Variants in NES observed in about 807,000 individuals in gnomAD.
NES encodes the protein nestin.
Under a neutral mutation model 35.6 loss-of-function variants are expected in NES, and 27 were observed. That is an observed-to-expected ratio of 0.76 (90% confidence interval 0.56 to 1.04). The LOEUF (loss-of-function observed/expected upper bound fraction) is 1.04, where lower values mean the gene tolerates loss of function less well. NES is among the 50% of genes least tolerant of loss of function. The probability of loss-of-function intolerance (pLI) is 0.00; values close to 1 mark genes in which losing one functional copy is unlikely to be tolerated. For synonymous variants in NES, 822 were observed against 824.2 expected (o/e 1.00, Z 0.04); for missense variants, 1,867 against 1,983.6 (o/e 0.94, Z 1.12).
intron 2 of NES, among the ~76,000 whole-genome samples, chr1:156,674,627 T>G (rs1343037320): frequency 6.6e-6 from 1 of 152,206 alleles, no homozygotes. Flanking sequence ...CCCTCCTTGG[T>G]CTCAGCCATT....
intron 1 of NES, 116 bp from the exon 2 acceptor site, chr1:156,675,456 T>C: frequency 7.9e-7 from 1 of 1,273,566 alleles, no homozygotes; most frequent in Non-Finnish European, 1.1e-6. Flanking sequence ...GGCTGACTTA[T>C]CTGTGTAGCA....
In NES at chr1:156,671,573, TC is replaced by T; in HGVS notation, c.2614del (p.Glu872SerfsTer5). 1 of 1,613,976 alleles carries T rather than the reference TC, an allele frequency of 6.2e-7. No homozygotes were observed. The highest frequency in any genetic ancestry group is 1.1e-5 in the South Asian group (1 of 91,086). On this transcript the variant is annotated frameshift_variant, in exon 4 of 4. Coordinates refer to ENST00000368223, the MANE Select transcript of NES (RefSeq NM_006617.2). LOFTEE classifies it low-confidence loss of function (END_TRUNC). The stretch of plus-strand genomic sequence containing the variant: ...TGTCTCTTGGTTCACTTCCACAGAC[TC>T]CAGTGGTTCTTGAATTTCCTTTTCT... ...PLEKEIQEPL[E>X]SVEVNQETFR...
Position 156,669,769 on chromosome 1 carries a change from C to T in NES, c.4419G>A (p.Leu1473=). ...TGGGGGCACCAGCCACTGCACCCCT[C>T]AAGCTGTCATCCCAGGGGACACTGA... The part of the protein sequence containing the change: ...VSVSVPWDDS[L]RGAVAGAPKT... Residue 1473 remains leucine (L), a synonymous_variant, in exon 4 of 4, where the codon TTG becomes TTA. Transcript: ENST00000368223. 1 of 1,614,046 alleles carries T rather than the reference C, an allele frequency of 6.2e-7. No individual in the cohort carries two copies. The highest frequency in any genetic ancestry group is 8.5e-7 in the Non-Finnish European group (1 of 1,179,996).
In NES at chr1:156,670,658, G is replaced by A; in HGVS notation, c.3530C>T (p.Ala1177Val). ...CTCCTCTGCTCCCCTGGGGGCCTCA[G>A]CCTCTGACTCCTCCCTACCCTCCCT... is the stretch of plus-strand genomic sequence containing the variant. ...PPREGREESEAEAPRGAEEAF... is the reference protein window; with the variant it reads ...PPREGREESEVEAPRGAEEAF... Residue 1177 changes from alanine to valine, a missense_variant, in exon 4 of 4, where the codon GCT (alanine) becomes GTT (valine). Transcript: ENST00000368223. 1 of 1,613,852 alleles carries A rather than the reference G, an allele frequency of 6.2e-7. No homozygotes were observed. Among genetic ancestry groups the A allele is most frequent in the South Asian group, 1.1e-5 (1 of 91,070 alleles).
chr1:156,671,673 T>C lies in NES; in HGVS notation c.2515A>G (p.Thr839Ala). The change falls in exon 4 of 4, where the codon ACA (threonine) becomes GCA (alanine). Residue 839 changes from threonine to alanine, a missense_variant. Physicochemically the swap from Thr to Ala is moderately conservative, Grantham distance 58. Coordinates refer to ENST00000368223, the MANE Select transcript of NES (RefSeq NM_006617.2). Reference sequence around the variant, plus strand: ...GCTTGAGTTTCTGGAGATTTCAGTGTTTCCAGGTTCTCTTGTCCCGCAGAC... The same window carrying C: ...GCTTGAGTTTCTGGAGATTTCAGTGCTTCCAGGTTCTCTTGTCCCGCAGAC... ...LKSAGQENLE[T>A]LKSPETQAPL... 1.2e-6 allele frequency: 2 copies of C among 1,613,694 alleles called. No individual in the cohort carries two copies. Among genetic ancestry groups the C allele is most frequent in the Non-Finnish European group, 8.5e-7 (1 of 1,179,928 alleles).
rs943004599 is a variant in NES, at chr1:156,676,274, G to A, written c.783+208C>T. ...GGGTCTTGGGCCTGACTGCCCACCC[G>A]GGATGTGCTTCGAGAAGCCCCACCA... On this transcript the variant is annotated intron_variant, in intron 1 of 3. Coordinates refer to ENST00000368223, the MANE Select transcript of NES (RefSeq NM_006617.2). This position sits in a 1 kb window ranked among gnomAD's most constrained non-coding sequence, Gnocchi z 5.3. 2.2e-4 allele frequency among the ~76,000 whole-genome samples: 33 copies of A among 152,146 alleles called. No homozygotes were observed. Among genetic ancestry groups the A allele is most frequent in the Admixed American group, 4.6e-4 (7 of 15,292 alleles).
At position 156,677,331 on chromosome 1, in the gene NES, G is replaced by A; in HGVS notation, c.-67C>T. 2.8e-6 allele frequency: 3 copies of A among 1,084,234 alleles called. No individual in the cohort carries two copies. Among genetic ancestry groups the A allele is most frequent in the Non-Finnish European group, 2.5e-6 (2 of 804,492 alleles). The allele number at this position is 1,084,234 out of a possible 1,614,324, so 67.2% of individuals were successfully genotyped here. On this transcript the variant is annotated 5_prime_UTR_variant, in exon 1 of 4. Coordinates refer to ENST00000368223, the MANE Select transcript of NES (RefSeq NM_006617.2). The surrounding 1 kb of genome is among the most constrained non-coding windows in gnomAD (Gnocchi z 4.5). ...CCGGGAGAAGGGAGCGGCTCGCAGA[G>A]CTTTTAGGACGGAAGAGAAAAGAGA... is the stretch of plus-strand genomic sequence containing the variant.
Position 156,671,529 on chromosome 1 carries a change from C to T in NES, c.2659G>A (p.Glu887Lys), listed in dbSNP as rs774392308. The change falls in exon 4 of 4, where the codon GAG (glutamate) becomes AAG (lysine). Residue 887 changes from glutamate (E) to lysine (K), a missense_variant. Glu to Lys is a moderately conservative substitution (Grantham distance 56, BLOSUM62 1). Transcript: ENST00000368223. Reference sequence around the variant, plus strand: ...AGAGATCTCAATGATTCCTGATTCTCCTCTTCCAGGAGTCTGAATGTCTCT... The same window carrying T: ...AGAGATCTCAATGATTCCTGATTCTTCTCTTCCAGGAGTCTGAATGTCTCT... Reference protein sequence around the residue: ...NQETFRLLEEENQESLRSLGA... With the variant: ...NQETFRLLEEKNQESLRSLGA... 6.2e-7 allele frequency: 1 copy of T among 1,613,872 alleles called. No individual in the cohort carries two copies. Among genetic ancestry groups the T allele is most frequent in the Non-Finnish European group, 8.5e-7 (1 of 1,180,044 alleles).
At chr1:156,674,333 A>G (rs780339219) in intron 2 of NES, among the ~76,000 whole-genome samples, 109 of 152,298 alleles carry the variant, frequency 7.2e-4, no homozygotes, top group Middle Eastern at 3.4e-3. Flanking sequence ...GAGTCTGGTT[A>G]GCACTCGCTG....
In NES at chr1:156,676,664, C is replaced by G; in HGVS notation, c.601G>C (p.Glu201Gln). 6.6e-7 allele frequency: 1 copy of G among 1,518,526 alleles called. No homozygotes were observed. The highest frequency in any genetic ancestry group is 1.4e-5 in the African/African-American group (1 of 69,280). 94.1% of individuals were successfully genotyped at this position (1,518,526 alleles called of 1,614,324 possible). The change falls in exon 1 of 4, where the codon GAG (glutamate) becomes CAG (glutamine). Residue 201 changes from glutamate (E) to glutamine (Q), a missense_variant. By Grantham distance (29) the Glu-to-Gln change is conservative. Coordinates refer to ENST00000368223, the MANE Select transcript of NES (RefSeq NM_006617.2). The surrounding 1 kb of genome is among the most constrained non-coding windows in gnomAD (Gnocchi z 5.3). ...RGYQERVAHMETSLGQARERL... is the reference protein window; with the variant it reads ...RGYQERVAHMQTSLGQARERL... ...TCGCGGGCCTGGCCCAGCGACGTCT[C>G]CATGTGTGCCACGCGCTCCTGGTAG...
Position 156,677,387 on chromosome 1 carries a change from G to C in NES, c.-123C>G. 4.4e-6 allele frequency: 3 copies of C among 675,434 alleles called. 1 individual carries two copies. The South Asian group carries it at 5.2e-5, about 12-fold the overall frequency. The allele number at this position is 675,434 out of a possible 1,614,324, so 41.8% of individuals were successfully genotyped here. A position where few individuals can be genotyped will look rare whatever the true frequency, so the allele number is the denominator to read the frequency against. On this transcript the variant is annotated 5_prime_UTR_variant, in exon 1 of 4. Coordinates refer to ENST00000368223, the MANE Select transcript of NES (RefSeq NM_006617.2). The surrounding 1 kb of genome is among the most constrained non-coding windows in gnomAD (Gnocchi z 4.5). ...GGGGACAATGACGGGGCGGGGCGGG[G>C]TGGGAGTAGCCTGAGCGACTGAGAG...
chr1:156,670,870 T>G lies in NES; in HGVS notation c.3318A>C (p.Gly1106=). Residue 1106 remains glycine, a synonymous_variant, in exon 4 of 4, where the codon GGA becomes GGC. Transcript: ENST00000368223. ...GAEPGPGQGV[G]GLGDPGHLTR... ...TCAGATGGCCTGGGTCCCCCAGCCC[T>G]CCCACCCCCTGCCCCGGGCCTGGCT... 9.3e-7 allele frequency: 1 copy of G among 1,076,352 alleles called. No individual in the cohort carries two copies. Among genetic ancestry groups the G allele is most frequent in the Non-Finnish European group, 1.4e-6 (1 of 730,550 alleles). The allele number at this position is 1,076,352 out of a possible 1,614,324, so 66.7% of individuals were successfully genotyped here. A position where few individuals can be genotyped will look rare whatever the true frequency, so the allele number is the denominator to read the frequency against.
In NES at chr1:156,676,995, G is replaced by A. The variant is rs772493280; in HGVS notation, c.270C>T (p.Gly90=). 3.2e-6 allele frequency: 5 copies of A among 1,580,938 alleles called. No individual in the cohort carries two copies. In the Admixed American group the frequency reaches 6.9e-5, roughly 22 times the overall value. ...ARDNLAEELE[G]VAGRCQQLRL... ...GCAGCTGCTGGCATCGGCCTGCCAC[G>A]CCCTCCAGCTCTTCAGCCAGGTTGT... The change falls in exon 1 of 4, where the codon GGC becomes GGT. Residue 90 remains glycine (G), a synonymous_variant. Transcript: ENST00000368223. This position sits in a 1 kb window ranked among gnomAD's most constrained non-coding sequence, Gnocchi z 5.3.
Position 156,672,085 on chromosome 1 carries a change from CCTCAG to C in NES, c.2098_2102del (p.Leu700ValfsTer3). The C allele has an allele frequency of 1.2e-6, 2 of 1,611,454 alleles. No individual in the cohort carries two copies. The highest frequency in any genetic ancestry group is 1.7e-6 in the Non-Finnish European group (2 of 1,179,476). On this transcript the variant is annotated frameshift_variant, in exon 4 of 4. Coordinates refer to ENST00000368223, the MANE Select transcript of NES (RefSeq NM_006617.2). LOFTEE classifies it low-confidence loss of function (END_TRUNC). ...CCTCTTTGTTCTCATCTTCAAGAGA[CCTCAG>C]GGGTTCCTGATTCTCCTTTGTCAGA...
Position 156,672,298 on chromosome 1 carries a change from C to T in NES, c.1890G>A (p.Lys630=). Reference sequence around the variant, plus strand: ...GAGATTTCATTAGTTCTTGATTCTCCTTTTGCAGGGATTGCAATGTCTGTG... The same window carrying T: ...GAGATTTCATTAGTTCTTGATTCTCTTTTTGCAGGGATTGCAATGTCTGTG... ...EDTQTLQSLQ[K]ENQELMKSLE... Residue 630 remains lysine, a synonymous_variant, in exon 4 of 4, where the codon AAG becomes AAA. Coordinates refer to ENST00000368223, the MANE Select transcript of NES (RefSeq NM_006617.2). 6.2e-7 allele frequency: 1 copy of T among 1,604,838 alleles called. No individual in the cohort carries two copies. The highest frequency in any genetic ancestry group is 1.8e-5 in the Admixed American group (1 of 57,106).
In NES at chr1:156,670,307, G is replaced by T; in HGVS notation, c.3881C>A (p.Thr1294Asn). 6.2e-7 allele frequency: 1 copy of T among 1,611,854 alleles called. No individual in the cohort carries two copies. Among genetic ancestry groups the T allele is most frequent in the Non-Finnish European group, 8.5e-7 (1 of 1,178,754 alleles). ...GCCCAGGGGAGTGGAGTCTGGAAGG[G>T]TCTCCCCGAGCTCATCCTCCTCGCT... The part of the protein sequence containing the change: ...EESEEDELGE[T>N]LPDSTPLGFY... Residue 1294 changes from threonine to asparagine, a missense_variant, in exon 4 of 4, where the codon ACC becomes AAC. By Grantham distance (65) the Thr-to-Asn change is moderately conservative. Coordinates refer to ENST00000368223, the MANE Select transcript of NES (RefSeq NM_006617.2).
At position 156,677,266 on chromosome 1, in the gene NES, C is replaced by T. The variant is rs1163927215; in HGVS notation, c.-2G>A. 2 of 1,610,130 alleles carry T rather than the reference C, an allele frequency of 1.2e-6. No homozygotes were observed. The highest frequency in any genetic ancestry group is 3.3e-4 in the Middle Eastern group (2 of 6,054). On this transcript the variant is annotated 5_prime_UTR_variant, in exon 1 of 4. Transcript: ENST00000368223. This position sits in a 1 kb window ranked among gnomAD's most constrained non-coding sequence, Gnocchi z 4.5. ...CTCCTCCCCCATGCAGCCCTCCATC[C>T]TGCTCGTCTGACCCACTGAGGATGG...
rs1473663123 is a variant in NES at position 156,672,316 on chromosome 1, T to C, written c.1872A>G (p.Thr624=). 6.2e-7 allele frequency: 1 copy of C among 1,607,956 alleles called. No individual in the cohort carries two copies. The highest frequency in any genetic ancestry group is 1.3e-5 in the African/African-American group (1 of 74,268). Residue 624 remains threonine, a synonymous_variant, in exon 4 of 4, where the codon ACA becomes ACG. Transcript: ENST00000368223. ...GATTCTCCTTTTGCAGGGATTGCAA[T>C]GTCTGTGTGTCCTCTTTTCCTGTAG... ...LKPTGKEDTQ[T]LQSLQKENQE...
chr1:156,672,426 T>C lies in NES; in HGVS notation c.1762A>G (p.Ser588Gly). The change falls in exon 4 of 4, where the codon AGT becomes GGT. Residue 588 changes from serine to glycine, a missense_variant. Transcript: ENST00000368223. ...AGCTCTTTATTTTCCTTTTCTAGAC[T>C]TTTTAGTGTTTCTAAGTCTTCTTCT... ...SLEEDLETLK[S>G]LEKENKELLK... The C allele has an allele frequency of 6.2e-7, 1 of 1,611,680 alleles. No individual in the cohort carries two copies.
Sources: gnomAD v4.1 joint callset for allele counts (sites outside exome capture counted in the v4.1 genomes callset) on GRCh38, gnomAD v4.1.1 for gene constraint, Gnocchi (gnomAD v3.1) non-coding constraint, MANE v1.5 for transcripts, NCBI Gene and HGNC (gene_info 2026-07-23, HGNC 2026-07-21) for gene names.